The following OLA1 variants were observed in gnomAD, a reference collection of about 807,000 sequenced individuals.
OLA1 encodes the protein obg-like ATPase 1.
In OLA1, 14 loss-of-function variants were observed where a neutral mutation model predicts 48.4. The observed-to-expected ratio is 0.29, with a 90% confidence interval of 0.19 to 0.45. The LOEUF (loss-of-function observed/expected upper bound fraction) is 0.45, where lower values mean the gene tolerates loss of function less well. Among genes scored for constraint, OLA1 ranks in the 20% least tolerant of loss-of-function variants. OLA1 has a pLI of 1.00. For missense variants in OLA1, 325 were observed against 467.1 expected (o/e 0.70, Z 2.80); for synonymous variants, 127 against 150.4 (o/e 0.84, Z 1.14).
At chr2:174,199,291 C>T (rs890898703) in intron 4 of OLA1, among the ~76,000 whole-genome samples, 10 of 152,016 alleles carry the variant, frequency 6.6e-5, no homozygotes, top group Admixed American at 3.9e-4. Flanking sequence ...TCTCAGCCAC[C>T]GGGGGAAAGC....
intron 4 of OLA1, among the ~76,000 whole-genome samples, chr2:174,180,741 T>C (rs116103367): frequency 1.9e-3 from 289 of 152,314 alleles, no homozygotes; most frequent in African/African-American, 6.6e-3. Flanking sequence ...ACTGCATATA[T>C]CATTTGGTCC....
intron 7 of OLA1, among the ~76,000 whole-genome samples, chr2:174,095,352 T>A (rs1415033636): frequency 1.5e-5 from 2 of 134,212 alleles, no homozygotes; most frequent in African/African-American, 5.3e-5. Flanking sequence ...TTTTTTTTGT[T>A]GTTGTTGTTG....
chr2:174,088,956 T>C (rs760966106), intron 7 of OLA1, among the ~76,000 whole-genome samples: 3 of 152,228 alleles, frequency 2.0e-5, no homozygotes, highest in Non-Finnish European at 2.9e-5. Context: ...CAAGTTTCAA[T>C]GTTCTTGTCT....
chr2:174,229,023 C>A (rs1559016291), intron 3 of OLA1, among the ~76,000 whole-genome samples: 1 of 152,082 alleles, frequency 6.6e-6, no homozygotes, highest in Non-Finnish European at 1.5e-5. Context: ...ATTACAGGCA[C>A]CTGCCACCAC....
At chr2:174,131,234 G>A (rs957340543) in intron 5 of OLA1, among the ~76,000 whole-genome samples, 6 of 151,834 alleles carry the variant, frequency 4.0e-5, no homozygotes, top group Non-Finnish European at 8.8e-5. Context: ...ATTACTTTGC[G>A]TCTGGCTTCT....
intron 9 of OLA1, 130 bp downstream of exon 9, chr2:174,081,022 T>C (rs1307314334): frequency 1.4e-6 from 1 of 715,716 alleles, no homozygotes; most frequent in Non-Finnish European, 2.4e-6. Context: ...TAATTAAAGT[T>C]ATCCTGGACA....
chr2:174,078,247 TATTAA>T lies in OLA1; in HGVS notation c.1089+716_1089+720del, dbSNP rs771587738. 4.9e-4 allele frequency among the ~76,000 whole-genome samples: 75 copies of T among 152,116 alleles called. 1 individual carries two copies. Among genetic ancestry groups the T allele is most frequent in the African/African-American group, 1.8e-3 (73 of 41,560 alleles). ...AACATTTACTATAGTAGTCTTCAAATATTAAATTAAATTAAAGAACCTTCCTACAA... is the reference window on the plus strand; with the variant it reads ...AACATTTACTATAGTAGTCTTCAAATATTAAATTAAAGAACCTTCCTACAA... On this transcript the variant is annotated intron_variant, in intron 10 of 10. Coordinates refer to ENST00000284719, the MANE Select transcript of OLA1 (RefSeq NM_013341.5).
chr2:174,221,386 C>T (rs1039710795), intron 4 of OLA1, among the ~76,000 whole-genome samples: 1 of 152,134 alleles, frequency 6.6e-6, no homozygotes, highest in African/African-American at 2.4e-5. Context: ...ATTGCTCCAG[C>T]CTGGAAAATT....
intron 4 of OLA1, among the ~76,000 whole-genome samples, chr2:174,176,130 T>C (rs1366133268): frequency 2.6e-5 from 4 of 152,072 alleles, no homozygotes; most frequent in Admixed American, 2.6e-4. Flanking sequence ...CTGTGTACAA[T>C]AAACTTCATC....
chr2:174,096,632 T>C (rs901434710), intron 7 of OLA1, among the ~76,000 whole-genome samples: 8 of 152,148 alleles, frequency 5.3e-5, no homozygotes, highest in African/African-American at 1.9e-4. Flanking sequence ...TATAAGATCC[T>C]GGGGAAGCCA....
intron 3 of OLA1, among the ~76,000 whole-genome samples, 191 bp downstream of exon 3, chr2:174,229,117 G>T (rs1236706700): frequency 1.3e-5 from 2 of 152,112 alleles, no homozygotes; most frequent in Non-Finnish European, 2.9e-5. Flanking sequence ...CTTGTGATCT[G>T]CCCTCCTGGG....
At chr2:174,150,121 G>A (rs1686709341) in intron 4 of OLA1, among the ~76,000 whole-genome samples, 1 of 152,220 alleles carries the variant, frequency 6.6e-6, no homozygotes, top group African/African-American at 2.4e-5. Flanking sequence ...GATCTCCAAT[G>A]CAGCAGTGTT....
chr2:174,218,988 AT>A (rs760419464), intron 4 of OLA1, among the ~76,000 whole-genome samples: 226 of 86,426 alleles, frequency 2.6e-3, no homozygotes, highest in Admixed American at 2.3e-3. Context: ...AGGCCGGCTA[AT>A]TTTTTTTTTT....
At chr2:174,169,989 T>C (rs1391502335) in intron 4 of OLA1, among the ~76,000 whole-genome samples, 1 of 152,226 alleles carries the variant, frequency 6.6e-6, no homozygotes, top group African/African-American at 2.4e-5. Context: ...TATGGGATTA[T>C]ATACTTTCAA....
At chr2:174,241,245 A>T (rs1054324908) in intron 2 of OLA1, among the ~76,000 whole-genome samples, 5 of 152,216 alleles carry the variant, frequency 3.3e-5, no homozygotes, top group Non-Finnish European at 5.9e-5. Context: ...ATGCAGTCAC[A>T]TGAGGGATCC....
chr2:174,095,621 G>T (rs1685237605), intron 7 of OLA1, among the ~76,000 whole-genome samples: 1 of 152,048 alleles, frequency 6.6e-6, no homozygotes, highest in Admixed American at 6.6e-5. Flanking sequence ...GTCAACAAAT[G>T]GTGCTTAGAC....
chr2:174,094,169 C>G (rs1295616071), intron 7 of OLA1, among the ~76,000 whole-genome samples: 1 of 152,182 alleles, frequency 6.6e-6, no homozygotes, highest in Non-Finnish European at 1.5e-5. Context: ...CTTTCTGAGA[C>G]TGGCTGAAAC....
At chr2:174,122,341 T>A (rs1430912746) in intron 7 of OLA1, among the ~76,000 whole-genome samples, 1 of 152,230 alleles carries the variant, frequency 6.6e-6, no homozygotes, top group East Asian at 1.9e-4. Flanking sequence ...GTTTAAAGCC[T>A]TCTCACTCTT....
intron 7 of OLA1, among the ~76,000 whole-genome samples, chr2:174,104,591 A>T (rs1369076501): frequency 1.3e-5 from 2 of 152,062 alleles, no homozygotes; most frequent in Non-Finnish European, 2.9e-5. Context: ...GGCATATACC[A>T]GCATAACTAC....
Sources: gnomAD v4.1 joint callset for allele counts (sites outside exome capture counted in the v4.1 genomes callset) on GRCh38, gnomAD v4.1.1 for gene constraint, MANE v1.5 for transcripts, NCBI Gene and HGNC (gene_info 2026-07-23, HGNC 2026-07-21) for gene names.